OTULIN: variants seen among roughly 807,000 people sequenced by gnomAD.
OTULIN encodes OTU deubiquitinase with linear linkage specificity, also known as ubiquitin thioesterase otulin.
OTULIN carries 15 observed loss-of-function variants against 39.6 expected under a neutral mutation model. That is an observed-to-expected ratio of 0.38 (90% CI 0.25 to 0.58). OTULIN has a LOEUF of 0.58. Among genes scored for constraint, OTULIN ranks in the 20% least tolerant of loss-of-function variants. The pLI is 0.66. For missense variants in OTULIN, 319 were observed against 445.9 expected, an observed-to-expected ratio of 0.72 and a Z score of 2.56; for synonymous variants, 156 against 170.3, an observed-to-expected ratio of 0.92 and a Z score of 0.65.
chr5:14,712,345 C>T, the OTULIN span, among the ~76,000 whole-genome samples: 4 of 152,380 alleles, frequency 2.6e-5, no homozygotes, highest in East Asian at 7.7e-4. Context: ...CATATACCTC[C>T]CTTTTCTCAG....
Position 14,693,232 on chromosome 5 carries a change from C to T in OTULIN, c.*184C>T. ...GATAAGAGAAATTAACCAAGTCTTT[C>T]CCCTCATCTATGATGCAATATATTT... On this transcript the variant is annotated 3_prime_UTR_variant, in exon 7 of 7. Coordinates refer to ENST00000284274, the MANE Select transcript of OTULIN (RefSeq NM_138348.6). 5.2e-6 allele frequency: 3 copies of T among 575,648 alleles called. No homozygotes were observed. Among genetic ancestry groups the T allele is most frequent in the South Asian group, 2.4e-5 (1 of 41,412 alleles). The allele number at this position is 575,648 out of a possible 1,614,324, so 35.7% of individuals were successfully genotyped here.
rs1367354694 is a variant in OTULIN at position 14,696,996 on chromosome 5, TGTAA to T, written c.*3951_*3954del. 3.9e-5 allele frequency: 6 copies of T among 152,292 alleles called. No individual in the cohort carries two copies. In the East Asian group the frequency reaches 1.2e-3, roughly 29 times the overall value. The allele number at this position is 152,292 out of a possible 1,614,324, so 9.4% of individuals were successfully genotyped here. A position where few individuals can be genotyped will look rare whatever the true frequency, so the allele number is the denominator to read the frequency against. On this transcript the variant is annotated 3_prime_UTR_variant, in exon 7 of 7. Transcript: ENST00000284274. ...ACAGCCTGCCACTTCTGGCATTTCCTGTAAGTCACTAGCAGTAGGTGTGAGGTGG... is the reference window on the plus strand; with the variant it reads ...ACAGCCTGCCACTTCTGGCATTTCCTGTCACTAGCAGTAGGTGTGAGGTGG...
chr5:14,695,461 A>G lies in OTULIN; in HGVS notation c.*2413A>G, dbSNP rs1173009375. The stretch of plus-strand genomic sequence containing the variant: ...TTCTAGAAGAAAGGAATGTAGTAGG[A>G]ACTATACTATGCCTAACTTTCTATC... On this transcript the variant is annotated 3_prime_UTR_variant, in exon 7 of 7. Transcript: ENST00000284274. The G allele has an allele frequency of 4.6e-5, 7 of 152,210 alleles. No homozygotes were observed. Among genetic ancestry groups the G allele is most frequent in the Admixed American group, 2.0e-4 (3 of 15,288 alleles). 9.4% of individuals were successfully genotyped at this position (152,210 alleles called of 1,614,324 possible). A position where few individuals can be genotyped will look rare whatever the true frequency, so the allele number is the denominator to read the frequency against.
Position 14,698,917 on chromosome 5 carries a change from C to T in OTULIN, c.*5869C>T, listed in dbSNP as rs182901804. 1 of 152,414 alleles carries T rather than the reference C, an allele frequency of 6.6e-6. No individual in the cohort carries two copies. The highest frequency in any genetic ancestry group is 1.9e-4 in the East Asian group (1 of 5,176). 9.4% of individuals were successfully genotyped at this position (152,414 alleles called of 1,614,324 possible). A position where few individuals can be genotyped will look rare whatever the true frequency, so the allele number is the denominator to read the frequency against. ...GGGTCTGGATTCAACAGCATTCCCG[C>T]TGCCCACTAAAAGGGTGGGCTTGGA... On this transcript the variant is annotated 3_prime_UTR_variant, in exon 7 of 7. Coordinates refer to ENST00000284274, the MANE Select transcript of OTULIN (RefSeq NM_138348.6).
rs765949276 is a variant in OTULIN at position 14,679,999 on chromosome 5, A to G, written c.324+1224A>G. The stretch of plus-strand genomic sequence containing the variant: ...TCTCAGATGCCTGAAAACAGCTTTC[A>G]CCTCCATTCTATTTTAGTCCTTATT... On this transcript the variant is annotated intron_variant, in intron 3 of 6. Coordinates refer to ENST00000284274, the MANE Select transcript of OTULIN (RefSeq NM_138348.6). Among the ~76,000 whole-genome samples the G allele has an allele frequency of 9.0e-4, 137 of 152,068 alleles. 1 individual carries two copies. Among genetic ancestry groups the G allele is most frequent in the Admixed American group, 3.9e-4 (6 of 15,276 alleles).
At chr5:14,707,978 GGA>G in the OTULIN span, 1 of 152,166 alleles carries the variant, frequency 6.6e-6, no homozygotes, top group Non-Finnish European at 1.5e-5. Flanking sequence ...ATCCCAAACG[GGA>G]GAGTTTCCTG....
chr5:14,701,885 G>A (rs1324490298), downstream of OTULIN, among the ~76,000 whole-genome samples: 1 of 152,216 alleles, frequency 6.6e-6, no homozygotes, highest in African/African-American at 2.4e-5. Context: ...GGGCAAAGCA[G>A]GGCGCTCATC....
At chr5:14,709,945 A>G in the OTULIN span, 1 of 152,286 alleles carries the variant, frequency 6.6e-6, no homozygotes, top group African/African-American at 2.4e-5. Flanking sequence ...CTTTCAGTCT[A>G]GGAATTCTGA....
chr5:14,708,858 G>C, the OTULIN span: 6 of 152,074 alleles, frequency 3.9e-5, no homozygotes, highest in Non-Finnish European at 7.3e-5. Flanking sequence ...ATAATGAGGA[G>C]GCCCTTGCTG....
chr5:14,699,756 T>C lies in OTULIN; in HGVS notation c.*6708T>C, dbSNP rs1484290210. Reference sequence around the variant, plus strand: ...AGAAGTTGTTTGTACAGTATTTTTCTATTGACCGCTTCCGTCTTGCCTGAA... The same window carrying C: ...AGAAGTTGTTTGTACAGTATTTTTCCATTGACCGCTTCCGTCTTGCCTGAA... On this transcript the variant is annotated 3_prime_UTR_variant, in exon 7 of 7. Transcript: ENST00000284274. 1 of 152,250 alleles carries C rather than the reference T, an allele frequency of 6.6e-6. No homozygotes were observed. Among genetic ancestry groups the C allele is most frequent in the Non-Finnish European group, 1.5e-5 (1 of 68,064 alleles). The allele number at this position is 152,250 out of a possible 1,614,324, so 9.4% of individuals were successfully genotyped here. A position where few individuals can be genotyped will look rare whatever the true frequency, so the allele number is the denominator to read the frequency against.
intron 3 of OTULIN, 113 bp downstream of exon 3, chr5:14,678,888 T>C: frequency 1.8e-6 from 1 of 554,728 alleles, no homozygotes; most frequent in Non-Finnish European, 3.0e-6. Context: ...ATAGACGTTG[T>C]TATTGGTGTT....
At chr5:14,689,915 G>A (rs1490167588) in intron 5 of OTULIN, 124 bp from the exon 6 acceptor site, 1 of 956,720 alleles carries the variant, frequency 1.0e-6, no homozygotes, top group Non-Finnish European at 1.6e-6. Flanking sequence ...AAACCTGAAT[G>A]TTGTGAGCAT....
the OTULIN span, chr5:14,712,852 G>A: frequency 1.3e-6 from 2 of 1,578,782 alleles, no homozygotes; most frequent in African/African-American, 1.3e-5. Context: ...CCGGGAGGAG[G>A]CTCCCGGCGC....
At chr5:14,709,790 ATGTT>A in the OTULIN span, 2 of 152,666 alleles carry the variant, frequency 1.3e-5, no homozygotes, top group East Asian at 3.8e-4. Context: ...AACTGCAGGT[ATGTT>A]GAGCACACAA....
In OTULIN at chr5:14,697,932, G is replaced by T. The variant is rs552581615; in HGVS notation, c.*4884G>T. 1 of 152,246 alleles carries T rather than the reference G, an allele frequency of 6.6e-6. No homozygotes were observed. The highest frequency in any genetic ancestry group is 2.1e-4 in the South Asian group (1 of 4,826). 9.4% of individuals were successfully genotyped at this position (152,246 alleles called of 1,614,324 possible). On this transcript the variant is annotated 3_prime_UTR_variant, in exon 7 of 7. Transcript: ENST00000284274. The stretch of plus-strand genomic sequence containing the variant: ...TAATATTTTATACTTAATTTTAGGA[G>T]TTTTCATTTACATATTGAAAAATGC...
At chr5:14,687,796 C>T (rs1039313159) in intron 5 of OTULIN, 150 bp downstream of exon 5, 22 of 901,722 alleles carry the variant, frequency 2.4e-5, no homozygotes, top group Non-Finnish European at 1.6e-5. Context: ...TCAAACTCTT[C>T]CCACGAGGGC....
the OTULIN span, among the ~76,000 whole-genome samples, chr5:14,715,734 G>T: frequency 1.3e-5 from 2 of 149,234 alleles, no homozygotes; most frequent in East Asian, 3.8e-4. Context: ...CTACATATTT[G>T]CTATGGAAAT....
intron 4 of OTULIN, among the ~76,000 whole-genome samples, chr5:14,687,233 C>G (rs563473570): frequency 3.3e-5 from 5 of 152,202 alleles, no homozygotes; most frequent in African/African-American, 1.2e-4. Context: ...TGGGCATGGC[C>G]TGCTGTGGAA....
the OTULIN span, chr5:14,713,024 A>C: frequency 6.5e-7 from 1 of 1,547,150 alleles, no homozygotes; most frequent in Non-Finnish European, 8.8e-7. The surrounding 1 kb of genome is among the most constrained non-coding windows in gnomAD (Gnocchi z 4.4). Context: ...AAGTCAAGGC[A>C]CAACCGTCGA....
Sources: gnomAD v4.1 joint callset for allele counts (sites outside exome capture counted in the v4.1 genomes callset) on GRCh38, gnomAD v4.1.1 for gene constraint, Gnocchi (gnomAD v3.1) non-coding constraint, MANE v1.5 for transcripts, NCBI Gene and HGNC (gene_info 2026-07-23, HGNC 2026-07-21) for gene names.